Variants in PHF20 observed in about 807,000 individuals in gnomAD.
PHF20 encodes the protein glioma-expressed antigen 2.
PHF20 carries 23 observed loss-of-function variants against 113.5 expected under a neutral mutation model. The observed-to-expected ratio is 0.20, with a 90% CI of 0.15 to 0.29. PHF20 has a LOEUF of 0.29. PHF20 is among the 10% of genes least tolerant of loss of function. The probability of loss-of-function intolerance (pLI) is 1.00; values close to 1 mark genes in which losing one functional copy is unlikely to be tolerated. For synonymous variants in PHF20, 434 were observed against 457.3 expected, an observed-to-expected ratio of 0.95 and a Z score of 0.65; for missense variants, 943 against 1,219.6, an observed-to-expected ratio of 0.77 and a Z score of 3.38.
chr20:35,813,645 G>A (rs1056278982), intron 2 of PHF20, among the ~76,000 whole-genome samples: 20 of 152,238 alleles, frequency 1.3e-4, no homozygotes, highest in African/African-American at 4.8e-4. Flanking sequence ...GGATCAGAAG[G>A]TCAGGAGTTC....
rs573545069 is a variant in PHF20 at position 35,849,243 on chromosome 20, A to C, written c.340+1809A>C. 9.2e-6 allele frequency: 3 copies of C among 326,272 alleles called. No individual in the cohort carries two copies. The Admixed American group carries it at 1.3e-4, about 14-fold the overall frequency. The allele number at this position is 326,272 out of a possible 1,614,324, so 20.2% of individuals were successfully genotyped here. On this transcript the variant is annotated intron_variant, in intron 4 of 17. Coordinates refer to ENST00000374012, the MANE Select transcript of PHF20 (RefSeq NM_016436.5). ...GTGAAGGAAAGCTAGCCTTTGTAGG[A>C]GCTCAGATCTATGTCTGATTCAGAG...
chr20:35,895,722 T>C (rs1298119376), intron 9 of PHF20, among the ~76,000 whole-genome samples: 2 of 149,972 alleles, frequency 1.3e-5, no homozygotes, highest in African/African-American at 4.9e-5. Context: ...GTTTCACTCT[T>C]ATTGCCCAAG....
At chr20:35,895,347 G>A (rs1193339994) in intron 9 of PHF20, among the ~76,000 whole-genome samples, 1 of 151,640 alleles carries the variant, frequency 6.6e-6, no homozygotes, top group Non-Finnish European at 1.5e-5. Flanking sequence ...TAGTAGAGAT[G>A]GGGTTTCGCC....
chr20:35,825,770 C>T (rs1030812728), intron 2 of PHF20, among the ~76,000 whole-genome samples: 2 of 152,150 alleles, frequency 1.3e-5, no homozygotes, highest in Non-Finnish European at 2.9e-5. Flanking sequence ...TCTCTTGCCT[C>T]AGCCTCCTGT....
chr20:35,925,163 T>C (rs1464242630), intron 13 of PHF20, among the ~76,000 whole-genome samples: 1 of 152,110 alleles, frequency 6.6e-6, no homozygotes, highest in Non-Finnish European at 1.5e-5. Context: ...GTATGGCTAG[T>C]GTCTCCATAT....
rs575235672 is a variant in PHF20, at chr20:35,815,342, C to CT, written c.83+13738dup. 2.0e-4 allele frequency among the ~76,000 whole-genome samples: 30 copies of CT among 152,198 alleles called. No individual in the cohort carries two copies. The South Asian group carries it at 2.9e-3, about 15-fold the overall frequency. On this transcript the variant is annotated intron_variant, in intron 2 of 17. Coordinates refer to ENST00000374012, the MANE Select transcript of PHF20 (RefSeq NM_016436.5). ...CTTGTAATCTGGGCACTTTGAGAGG[C>CT]TGAGGTGGGCAGATCACTTGAGGTC...
chr20:35,785,219 A>G (rs566364517), intron 1 of PHF20, among the ~76,000 whole-genome samples: 6 of 152,282 alleles, frequency 3.9e-5, no homozygotes, highest in Middle Eastern at 3.4e-3. Flanking sequence ...TTTGTCAAGG[A>G]TTTAGCATGT....
intron 1 of PHF20, among the ~76,000 whole-genome samples, chr20:35,775,876 G>C (rs2041166030): frequency 6.6e-6 from 1 of 151,858 alleles, no homozygotes; most frequent in South Asian, 2.1e-4. Flanking sequence ...GCAGTGGTGT[G>C]ATCACGGCTT....
chr20:35,897,904 C>G (rs1191731731), intron 9 of PHF20, among the ~76,000 whole-genome samples: 1 of 150,346 alleles, frequency 6.7e-6, no homozygotes, highest in African/African-American at 2.4e-5. Flanking sequence ...GAGACAGAGT[C>G]TTGCTCTGTC....
intron 5 of PHF20, 48 bp from the exon 6 acceptor site, chr20:35,862,965 A>G: frequency 6.6e-7 from 1 of 1,506,282 alleles, no homozygotes; most frequent in Non-Finnish European, 8.9e-7. Context: ...CTAATTTTGT[A>G]TTTGCAAGTA....
chr20:35,843,740 G>A (rs1307353429), intron 3 of PHF20, among the ~76,000 whole-genome samples: 2 of 151,868 alleles, frequency 1.3e-5, no homozygotes, highest in African/African-American at 4.8e-5. Context: ...ACCACACCCG[G>A]CTAATTTTTA....
At chr20:35,911,903 C>G (rs2055312211) in intron 10 of PHF20, among the ~76,000 whole-genome samples, 1 of 152,098 alleles carries the variant, frequency 6.6e-6, no homozygotes, top group East Asian at 1.9e-4. Context: ...AGGTGATTCA[C>G]CTGCCTTGGC....
intron 9 of PHF20, among the ~76,000 whole-genome samples, chr20:35,897,544 T>A (rs1600897775): frequency 6.9e-6 from 1 of 145,746 alleles, no homozygotes; most frequent in African/African-American, 2.5e-5. Flanking sequence ...AACTTATTCC[T>A]CCTATTCTGG....
intron 10 of PHF20, among the ~76,000 whole-genome samples, chr20:35,906,813 T>C (rs1031509792): frequency 3.9e-5 from 6 of 152,090 alleles, no homozygotes; most frequent in Non-Finnish European, 5.9e-5. Context: ...GAAATAGTGT[T>C]GGGAAGGGCA....
intron 1 of PHF20, among the ~76,000 whole-genome samples, chr20:35,775,872 G>T (rs1476275097): frequency 6.6e-6 from 1 of 152,050 alleles, no homozygotes; most frequent in East Asian, 1.9e-4. Context: ...GAGTGCAGTG[G>T]TGTGATCACG....
chr20:35,789,571 C>T (rs1458062238), intron 1 of PHF20, among the ~76,000 whole-genome samples: 1 of 151,848 alleles, frequency 6.6e-6, no homozygotes, highest in Non-Finnish European at 1.5e-5. Flanking sequence ...TTTTGTGACG[C>T]AGTCTTGCTC....
Position 35,931,365 on chromosome 20 carries a change from G to T in PHF20, c.2221G>T (p.Ala741Ser), listed in dbSNP as rs1395652902. ...CCATCAGAATGCCAAGAAGATCGTG[G>T]CCACCCACCAGCTTCTTGGTGATGT... Reference protein sequence around the residue: ...YSHQNAKKIVATHQLLGDVQR... With the variant: ...YSHQNAKKIVSTHQLLGDVQR... Residue 741 changes from alanine (A) to serine (S), a missense_variant, in exon 15 of 18, where the codon GCC becomes TCC. Ala to Ser is a moderately conservative substitution (Grantham distance 99, BLOSUM62 1). This residue lies in a region of PHF20 where 349 missense variants were observed against 412.3 expected (regional missense o/e 0.85). Transcript: ENST00000374012. The T allele has an allele frequency of 5.0e-6, 8 of 1,614,024 alleles. No homozygotes were observed. The highest frequency in any genetic ancestry group is 6.8e-6 in the Non-Finnish European group (8 of 1,180,028).
intron 2 of PHF20, among the ~76,000 whole-genome samples, chr20:35,814,743 G>A (rs1195858950): frequency 6.8e-6 from 1 of 147,684 alleles, no homozygotes; most frequent in Non-Finnish European, 1.5e-5. Flanking sequence ...CGTAGTGGCG[G>A]GTGCCTGTAG....
rs548730269 is a variant in PHF20, at chr20:35,924,867, C to T, written c.2005-2913C>T. The stretch of plus-strand genomic sequence containing the variant: ...CCTCCCGCCTCGGCCTCCCAAAGTG[C>T]GGGGATTATAGACAAGAGCCACTGC... On this transcript the variant is annotated intron_variant, in intron 13 of 17. Transcript: ENST00000374012. 4.9e-3 allele frequency among the ~76,000 whole-genome samples: 748 copies of T among 152,124 alleles called. 1 individual carries two copies. Among genetic ancestry groups the T allele is most frequent in the Non-Finnish European group, 7.9e-3 (540 of 67,990 alleles).
Sources: gnomAD v4.1 joint callset for allele counts (sites outside exome capture counted in the v4.1 genomes callset) on GRCh38, gnomAD v4.1.1 for gene constraint, gnomAD v4.1.1 regional missense constraint, MANE v1.5 for transcripts, NCBI Gene and HGNC (gene_info 2026-07-23, HGNC 2026-07-21) for gene names.